Variants in SPSB4 observed in about 807,000 individuals in gnomAD.
SPSB4 encodes the protein SPRY domain-containing SOCS box protein 4.
SPSB4 carries 21 observed loss-of-function variants against 20.9 expected under a neutral mutation model. That is an observed-to-expected ratio of 1.01 (90% CI 0.71 to 1.45). The LOEUF is 1.45. Ranked by LOEUF, SPSB4 falls within the 40% of genes most tolerant of loss-of-function variation. The pLI, the probability that SPSB4 is intolerant of heterozygous loss-of-function variation, is 0.00. For missense variants in SPSB4, 399 were observed against 399.2 expected (o/e 1.00, Z 0.00); for synonymous variants, 207 against 183.8 (o/e 1.13, Z -1.02).
At chr3:141,069,864 A>G (rs1177610953) in intron 2 of SPSB4, among the ~76,000 whole-genome samples, 1 of 152,194 alleles carries the variant, frequency 6.6e-6, no homozygotes, top group Non-Finnish European at 1.5e-5. Context: ...CTCTAACATG[A>G]TGAAAGTAAG....
rs147419459 is a variant in SPSB4, at chr3:141,076,061, A to G, written c.694+9263A>G. On this transcript the variant is annotated intron_variant, in intron 2 of 2. Coordinates refer to ENST00000310546, the MANE Select transcript of SPSB4 (RefSeq NM_080862.3). ...GCAACAGAGTGAAACTGTGTCTCAAAAAAGTAAAAAATAAATAAGATAAAA... is the reference window on the plus strand; with the variant it reads ...GCAACAGAGTGAAACTGTGTCTCAAGAAAGTAAAAAATAAATAAGATAAAA... Among the ~76,000 whole-genome samples, 15 of 147,048 alleles carry G rather than the reference A, an allele frequency of 1.0e-4. No homozygotes were observed. In the East Asian group the frequency reaches 2.9e-3, roughly 28 times the overall value.
At chr3:141,123,681 C>A (rs143643634) in intron 2 of SPSB4, among the ~76,000 whole-genome samples, 1 of 152,240 alleles carries the variant, frequency 6.6e-6, no homozygotes, top group Non-Finnish European at 1.5e-5. Flanking sequence ...GCTTCCCCTG[C>A]CTGGTCTCTG....
intron 2 of SPSB4, among the ~76,000 whole-genome samples, chr3:141,090,962 T>C (rs1042694554): frequency 2.0e-5 from 3 of 152,060 alleles, no homozygotes; most frequent in African/African-American, 7.2e-5. Context: ...CCAACATAAT[T>C]TGCTGTAAAG....
intron 2 of SPSB4, among the ~76,000 whole-genome samples, chr3:141,076,647 A>G (rs939581621): frequency 3.3e-5 from 5 of 152,242 alleles, no homozygotes; most frequent in African/African-American, 1.2e-4. Flanking sequence ...ATGAAGAGCC[A>G]GCAGTTGCTT....
intron 2 of SPSB4, among the ~76,000 whole-genome samples, chr3:141,099,956 C>CA (rs1938591736): frequency 6.6e-6 from 1 of 152,150 alleles, no homozygotes; most frequent in Admixed American, 6.5e-5. Context: ...TGTCCAAGCC[C>CA]AAAAAGCCAC....
chr3:141,089,252 T>C (rs561339783), intron 2 of SPSB4, among the ~76,000 whole-genome samples: 11 of 152,290 alleles, frequency 7.2e-5, no homozygotes, highest in African/African-American at 2.6e-4. Context: ...CCTTTCCCCA[T>C]CTGCACCGGG....
chr3:141,075,656 T>G (rs1279864414), intron 2 of SPSB4, among the ~76,000 whole-genome samples: 1 of 152,078 alleles, frequency 6.6e-6, no homozygotes, highest in African/African-American at 2.4e-5. Context: ...CTGATGAAGA[T>G]GTAACACAGA....
intron 2 of SPSB4, among the ~76,000 whole-genome samples, chr3:141,105,894 T>C (rs1395011972): frequency 2.6e-5 from 4 of 152,270 alleles, no homozygotes; most frequent in Non-Finnish European, 5.9e-5. Context: ...GAAATAAAGA[T>C]ACACTTTCAT....
intron 2 of SPSB4, among the ~76,000 whole-genome samples, chr3:141,142,129 C>A (rs888620582): frequency 4.6e-5 from 7 of 152,090 alleles, no homozygotes; most frequent in Non-Finnish European, 1.0e-4. Flanking sequence ...TGAGGTATGA[C>A]CTTAGATTGT....
intron 2 of SPSB4, among the ~76,000 whole-genome samples, chr3:141,068,916 T>A (rs1047284895): frequency 3.3e-5 from 5 of 152,138 alleles, no homozygotes; most frequent in African/African-American, 1.2e-4. Flanking sequence ...GAAAGGCAGT[T>A]ATGTTTGGGG....
intron 2 of SPSB4, among the ~76,000 whole-genome samples, chr3:141,084,899 T>C (rs1938312422): frequency 6.6e-6 from 1 of 152,236 alleles, no homozygotes; most frequent in Non-Finnish European, 1.5e-5. Context: ...ACACTGCCCT[T>C]GTGCCAGTAA....
intron 2 of SPSB4, among the ~76,000 whole-genome samples, chr3:141,106,885 G>A (rs1235348072): frequency 2.0e-5 from 3 of 152,158 alleles, no homozygotes; most frequent in African/African-American, 7.2e-5. Flanking sequence ...CCACTCCTGA[G>A]CCCCTCCTAC....
At chr3:141,107,087 G>T (rs759896136) in intron 2 of SPSB4, among the ~76,000 whole-genome samples, 14 of 152,220 alleles carry the variant, frequency 9.2e-5, no homozygotes, top group Non-Finnish European at 2.1e-4. Context: ...GTGGCCACTG[G>T]ACTGGAATGT....
chr3:141,111,465 C>T (rs1938797421), intron 2 of SPSB4, among the ~76,000 whole-genome samples: 1 of 141,870 alleles, frequency 7.0e-6, no homozygotes, highest in Non-Finnish European at 1.5e-5. Flanking sequence ...ATTCTGAGCA[C>T]AGGGCCCAGC....
At chr3:141,079,865 G>A (rs1412405775) in intron 2 of SPSB4, among the ~76,000 whole-genome samples, 1 of 151,948 alleles carries the variant, frequency 6.6e-6, no homozygotes, top group Non-Finnish European at 1.5e-5. Flanking sequence ...TCTAGGGGAA[G>A]AGCGAGTCAG....
intron 2 of SPSB4, among the ~76,000 whole-genome samples, chr3:141,080,741 T>G (rs1424112380): frequency 6.6e-6 from 1 of 152,236 alleles, no homozygotes; most frequent in Admixed American, 6.5e-5. Context: ...TGTATTTCCT[T>G]TTTGGCTGAC....
intron 2 of SPSB4, among the ~76,000 whole-genome samples, chr3:141,111,591 AAG>A (rs1938799003): frequency 6.6e-6 from 1 of 151,936 alleles, no homozygotes; most frequent in South Asian, 2.1e-4. Flanking sequence ...ACAGCAAGAA[AAG>A]AGTGGGAACA....
Position 141,066,034 on chromosome 3 carries a change from C to T in SPSB4, c.-71C>T. The T allele has an allele frequency of 7.4e-7, 1 of 1,343,164 alleles. No individual in the cohort carries two copies. Among genetic ancestry groups the T allele is most frequent in the Non-Finnish European group, 9.7e-7 (1 of 1,028,930 alleles). The allele number at this position is 1,343,164 out of a possible 1,614,324, so 83.2% of individuals were successfully genotyped here. On this transcript the variant is annotated 5_prime_UTR_variant, in exon 2 of 3. Transcript: ENST00000310546. Reference sequence around the variant, plus strand: ...CTGGTTCCCAGCCCCGTGGCCCATTCCTGGCTACGGGGAGTGGAGGCTCCC... The same window carrying T: ...CTGGTTCCCAGCCCCGTGGCCCATTTCTGGCTACGGGGAGTGGAGGCTCCC...
At chr3:141,138,805 T>C (rs1418997714) in intron 2 of SPSB4, among the ~76,000 whole-genome samples, 3 of 152,216 alleles carry the variant, frequency 2.0e-5, no homozygotes, top group African/African-American at 7.2e-5. Flanking sequence ...AAAGAATGTA[T>C]ATTCTGTTGA....
Sources: gnomAD v4.1 joint callset for allele counts (sites outside exome capture counted in the v4.1 genomes callset) on GRCh38, gnomAD v4.1.1 for gene constraint, MANE v1.5 for transcripts, NCBI Gene and HGNC (gene_info 2026-07-23, HGNC 2026-07-21) for gene names.